SSH2: variants seen among roughly 807,000 people sequenced by gnomAD.
The protein encoded by SSH2 is protein phosphatase Slingshot homolog 2.
In SSH2, 37 loss-of-function variants were observed where a neutral mutation model predicts 135.2. That is an observed-to-expected ratio of 0.27 (90% CI 0.21 to 0.36). The LOEUF (loss-of-function observed/expected upper bound fraction) is 0.36, where lower values mean the gene tolerates loss of function less well. Ranked by LOEUF, SSH2 falls within the 10% of genes least tolerant of loss-of-function variation. The pLI, the probability that SSH2 is intolerant of heterozygous loss-of-function variation, is 1.00. For missense variants in SSH2, 1,408 were observed against 1,765.3 expected (o/e 0.80, Z 3.63); for synonymous variants, 628 against 646.2 (o/e 0.97, Z 0.43).
At chr17:29,926,353 A>C (rs918461861) in intron 1 of SSH2, among the ~76,000 whole-genome samples, 20 of 151,828 alleles carry the variant, frequency 1.3e-4, no homozygotes, top group African/African-American at 4.6e-4. Flanking sequence ...AGCCAGGGCA[A>C]CATGGCGAAA....
chr17:29,635,618 C>G (rs2035881710), intron 15 of SSH2, among the ~76,000 whole-genome samples: 1 of 151,916 alleles, frequency 6.6e-6, no homozygotes, highest in Non-Finnish European at 1.5e-5. Context: ...CCGTGTTAGC[C>G]AGGATGGTTT....
At chr17:29,716,850 C>G (rs143293151) in intron 3 of SSH2, among the ~76,000 whole-genome samples, 3 of 152,182 alleles carry the variant, frequency 2.0e-5, no homozygotes, top group Admixed American at 6.5e-5. Context: ...ACTCCTCCCC[C>G]ACTCTAAGTT....
chr17:29,676,885 A>C lies in SSH2; in HGVS notation c.549T>G (p.Gly183=). The C allele has an allele frequency of 6.2e-7, 1 of 1,613,548 alleles. No individual in the cohort carries two copies. Among genetic ancestry groups the C allele is most frequent in the Non-Finnish European group, 8.5e-7 (1 of 1,179,628 alleles). Residue 183 remains glycine, a splice_region_variant and synonymous_variant, in exon 8 of 16, where the codon GGT becomes GGG. Coordinates refer to ENST00000540801, the MANE Select transcript of SSH2 (RefSeq NM_001282129.2). ...SDTLIHLDGD[G]GFSVSTDNRV... ...TGTTATCCGTCGATACACTGAACCCACTAAGGACAAATGAGAACAAGACAA... is the reference window on the plus strand; with the variant it reads ...TGTTATCCGTCGATACACTGAACCCCCTAAGGACAAATGAGAACAAGACAA...
chr17:29,726,313 C>T (rs1598885412), intron 3 of SSH2, among the ~76,000 whole-genome samples: 1 of 152,254 alleles, frequency 6.6e-6, no homozygotes, highest in Admixed American at 6.5e-5. Context: ...AACTTCAATC[C>T]TATTGTATGG....
At chr17:29,709,460 T>A (rs1730855919) in intron 3 of SSH2, among the ~76,000 whole-genome samples, 1 of 152,192 alleles carries the variant, frequency 6.6e-6, no homozygotes, top group African/African-American at 2.4e-5. Context: ...GTGGATCACT[T>A]GAGGCCAGGA....
In SSH2 at chr17:29,636,822, G is replaced by C. The variant is rs775783816; in HGVS notation, c.1428-20C>G. Reference sequence around the variant, plus strand: ...TGTTTGCTGTGGAGGACATACACAGGAAGTATCTTAATCTGGTTTGTAAAG... The same window carrying C: ...TGTTTGCTGTGGAGGACATACACAGCAAGTATCTTAATCTGGTTTGTAAAG... On this transcript the variant is annotated intron_variant, in intron 14 of 15. Transcript: ENST00000540801. 3 of 1,513,232 alleles carry C rather than the reference G, an allele frequency of 2.0e-6. No individual in the cohort carries two copies. The highest frequency in any genetic ancestry group is 1.4e-5 in the African/African-American group (1 of 72,364). 93.7% of individuals were successfully genotyped at this position (1,513,232 alleles called of 1,614,324 possible). A position where few individuals can be genotyped will look rare whatever the true frequency, so the allele number is the denominator to read the frequency against.
intron 14 of SSH2, among the ~76,000 whole-genome samples, chr17:29,638,117 T>C (rs552202348): frequency 6.6e-6 from 1 of 151,856 alleles, no homozygotes; most frequent in South Asian, 2.1e-4. Context: ...CCATCTCAAA[T>C]AAACAAACAA....
At chr17:29,880,346 G>A (rs1247939131) in intron 1 of SSH2, among the ~76,000 whole-genome samples, 1 of 152,006 alleles carries the variant, frequency 6.6e-6, no homozygotes, top group Non-Finnish European at 1.5e-5. Context: ...AAACTATGTT[G>A]CCTAGGCTGG....
At chr17:29,822,977 A>G (rs913027914) in intron 2 of SSH2, among the ~76,000 whole-genome samples, 1 of 152,224 alleles carries the variant, frequency 6.6e-6, no homozygotes, top group Admixed American at 6.5e-5. Flanking sequence ...TTTCCTCAAA[A>G]TACAATTTTT....
At chr17:29,702,632 G>A (rs559085927) in intron 4 of SSH2, among the ~76,000 whole-genome samples, 10 of 152,312 alleles carry the variant, frequency 6.6e-5, no homozygotes, top group South Asian at 4.1e-4. Flanking sequence ...TCCACCCTGG[G>A]TGACACAGCG....
chr17:29,793,107 A>G (rs2042099102), intron 3 of SSH2, among the ~76,000 whole-genome samples: 1 of 152,078 alleles, frequency 6.6e-6, no homozygotes, highest in Non-Finnish European at 1.5e-5. Flanking sequence ...TGAAATGACC[A>G]TCTAGAACTT....
Position 29,864,096 on chromosome 17 carries a change from G to A in SSH2, c.64-15167C>T, listed in dbSNP as rs1052727121. On this transcript the variant is annotated intron_variant, in intron 1 of 15. Coordinates refer to ENST00000540801, the MANE Select transcript of SSH2 (RefSeq NM_001282129.2). The stretch of plus-strand genomic sequence containing the variant: ...AGGTGGGTGGATCACCTGAGGTCAG[G>A]AGTTTAAGACCAGCCTGGCCACCAT... The A allele has an allele frequency of 2.0e-5, 3 of 152,296 alleles. 1 individual carries two copies. In the South Asian group the frequency reaches 6.2e-4, roughly 32 times the overall value. The allele number at this position is 152,296 out of a possible 1,614,324, so 9.4% of individuals were successfully genotyped here.
At chr17:29,644,255 G>A (rs2150987976) in intron 14 of SSH2, among the ~76,000 whole-genome samples, 1 of 152,318 alleles carries the variant, frequency 6.6e-6, no homozygotes, top group East Asian at 1.9e-4. Flanking sequence ...TCTGGAAGGA[G>A]ACTGGAGGAA....
intron 3 of SSH2, among the ~76,000 whole-genome samples, chr17:29,743,864 TGGCATA>T (rs1429611757): frequency 1.3e-5 from 2 of 151,806 alleles, no homozygotes; most frequent in Admixed American, 6.6e-5. Context: ...CCATTTTTCT[TGGCATA>T]GGCATTATTA....
At chr17:29,667,955 C>T (rs941130496) in intron 9 of SSH2, among the ~76,000 whole-genome samples, 35 of 152,162 alleles carry the variant, frequency 2.3e-4, no homozygotes, top group African/African-American at 7.7e-4. Flanking sequence ...AGCTGACTCT[C>T]CAATTATTAG....
At chr17:29,873,028 G>A (rs1303743888) in intron 1 of SSH2, among the ~76,000 whole-genome samples, 1 of 151,866 alleles carries the variant, frequency 6.6e-6, no homozygotes, top group Non-Finnish European at 1.5e-5. Flanking sequence ...GGTACAGTAA[G>A]GTGAAAGTAA....
chr17:29,898,306 C>T (rs910513284), intron 1 of SSH2, among the ~76,000 whole-genome samples: 1 of 151,522 alleles, frequency 6.6e-6, no homozygotes, highest in East Asian at 1.9e-4. Flanking sequence ...TATAGAGACA[C>T]AAAAAAACCC....
intron 1 of SSH2, among the ~76,000 whole-genome samples, chr17:29,892,749 T>C (rs1287801331): frequency 6.6e-6 from 1 of 152,004 alleles, no homozygotes; most frequent in Non-Finnish European, 1.5e-5. Context: ...TTATCCAACC[T>C]TCCAAATCTC....
chr17:29,800,381 G>C (rs1475801328), intron 2 of SSH2, among the ~76,000 whole-genome samples: 1 of 152,172 alleles, frequency 6.6e-6, no homozygotes, highest in African/African-American at 2.4e-5. Flanking sequence ...GGGTAATGCA[G>C]TTATCTTGAA....
Sources: gnomAD v4.1 joint callset for allele counts (sites outside exome capture counted in the v4.1 genomes callset) on GRCh38, gnomAD v4.1.1 for gene constraint, MANE v1.5 for transcripts, NCBI Gene and HGNC (gene_info 2026-07-23, HGNC 2026-07-21) for gene names.